The following AK5 variants were observed in gnomAD, a reference collection of about 807,000 sequenced individuals.
AK5 encodes adenylate kinase isoenzyme 5.
In AK5, 27 loss-of-function variants were observed where a neutral mutation model predicts 69.5. That is an observed-to-expected ratio of 0.39 (90% CI 0.29 to 0.54). The LOEUF is 0.54. Ranked by LOEUF, AK5 falls within the 20% of genes least tolerant of loss-of-function variation. The probability of loss-of-function intolerance (pLI) is 0.71; values close to 1 mark genes in which losing one functional copy is unlikely to be tolerated. For synonymous variants in AK5, 260 were observed against 244.4 expected (o/e 1.06, Z -0.60); for missense variants, 531 against 700.4 (o/e 0.76, Z 2.73).
intron 6 of AK5, among the ~76,000 whole-genome samples, chr1:77,392,188 ATATAC>A (rs756684812): frequency 6.6e-4 from 101 of 152,362 alleles, no homozygotes; most frequent in Non-Finnish European, 1.2e-3. Flanking sequence ...GTAGTTTAAA[ATATAC>A]TATGAGTATT....
At chr1:77,431,189 G>C (rs1651615820) in intron 8 of AK5, among the ~76,000 whole-genome samples, 1 of 152,186 alleles carries the variant, frequency 6.6e-6, no homozygotes, top group Admixed American at 6.5e-5. Context: ...CTGAACTGTT[G>C]TGAAATCTAG....
At chr1:77,356,438 A>G (rs1212836884) in intron 6 of AK5, among the ~76,000 whole-genome samples, 2 of 152,222 alleles carry the variant, frequency 1.3e-5, no homozygotes, top group Admixed American at 1.3e-4. Context: ...TTGTCTATCA[A>G]AGGACAAAAA....
chr1:77,526,988 C>A lies in AK5; in HGVS notation c.1428+5045C>A, dbSNP rs145029940. On this transcript the variant is annotated intron_variant, in intron 12 of 13. Transcript: ENST00000354567. ...CCAGAACTTAACGCCTATGGGGTTC[C>A]ACATCATTTTGAGCAATGACAACCC... Among the ~76,000 whole-genome samples the A allele has an allele frequency of 5.0e-3, 761 of 152,072 alleles. 8 individuals are homozygous for A. Among genetic ancestry groups the A allele is most frequent in the African/African-American group, 0.017 (688 of 41,464 alleles).
At chr1:77,405,659 G>A (rs1488331540) in intron 6 of AK5, among the ~76,000 whole-genome samples, 1 of 152,188 alleles carries the variant, frequency 6.6e-6, no homozygotes, top group African/African-American at 2.4e-5. Context: ...TGGCTGCTCA[G>A]AGAGGCTGGG....
At chr1:77,376,161 T>C (rs1400496187) in intron 6 of AK5, among the ~76,000 whole-genome samples, 6 of 152,188 alleles carry the variant, frequency 3.9e-5, no homozygotes, top group African/African-American at 1.4e-4. Flanking sequence ...TCCAAGAGGA[T>C]ACCACTGGTT....
chr1:77,287,266 C>G (rs888639149), intron 2 of AK5, 139 bp downstream of exon 2: 1 of 537,524 alleles, frequency 1.9e-6, no homozygotes, highest in Middle Eastern at 5.4e-4. Context: ...TAATTTTTCT[C>G]TGCTACTAAT....
At chr1:77,399,531 G>T (rs1420234190) in intron 6 of AK5, among the ~76,000 whole-genome samples, 1 of 152,198 alleles carries the variant, frequency 6.6e-6, no homozygotes, top group Non-Finnish European at 1.5e-5. Context: ...CAAAGCCCTG[G>T]TTGGGCTGTG....
At chr1:77,405,828 C>T (rs1173705546) in intron 6 of AK5, among the ~76,000 whole-genome samples, 2 of 152,112 alleles carry the variant, frequency 1.3e-5, no homozygotes, top group African/African-American at 2.4e-5. Context: ...TTCTGGAGAC[C>T]ATGTTGCCGG....
Position 77,454,062 on chromosome 1 carries a change from A to T in AK5, c.1060-29255A>T, listed in dbSNP as rs1653325221. ...TTCAGCTCTGTAGGGTCAACATGAG[A>T]TGCTTATTGTTCAAGCCTGTGTGAT... is the stretch of plus-strand genomic sequence containing the variant. On this transcript the variant is annotated intron_variant, in intron 8 of 13. Transcript: ENST00000354567. 2.0e-5 allele frequency among the ~76,000 whole-genome samples: 3 copies of T among 152,096 alleles called. No homozygotes were observed. The South Asian group carries it at 6.2e-4, about 31-fold the overall frequency.
In AK5 at chr1:77,376,712, G is replaced by A. The variant is rs774741189; in HGVS notation, c.892-34269G>A. On this transcript the variant is annotated intron_variant, in intron 6 of 13. Transcript: ENST00000354567. Reference sequence around the variant, plus strand: ...TCCCAACACTTTGGGAAGACGAGGTGAGAGGATCACTTGAGTTGAGGAGTT... The same window carrying A: ...TCCCAACACTTTGGGAAGACGAGGTAAGAGGATCACTTGAGTTGAGGAGTT... Among the ~76,000 whole-genome samples, 31 of 152,130 alleles carry A rather than the reference G, an allele frequency of 2.0e-4. 1 individual carries two copies. Among genetic ancestry groups the A allele is most frequent in the Admixed American group, 6.5e-5 (1 of 15,268 alleles).
chr1:77,403,246 T>A (rs1649364760), intron 6 of AK5, among the ~76,000 whole-genome samples: 1 of 152,228 alleles, frequency 6.6e-6, no homozygotes, highest in African/African-American at 2.4e-5. Flanking sequence ...TTCTGTAGGT[T>A]GCCTGTTCAC....
At chr1:77,367,796 T>A (rs759008019) in intron 6 of AK5, among the ~76,000 whole-genome samples, 1 of 3,652 alleles carries the variant, frequency 2.7e-4, no homozygotes, top group African/African-American at 6.4e-4. Flanking sequence ...GTTATATATG[T>A]TATATATAAT....
chr1:77,487,169 C>T (rs1655658465), intron 10 of AK5, among the ~76,000 whole-genome samples: 2 of 152,188 alleles, frequency 1.3e-5, no homozygotes, highest in South Asian at 4.1e-4. Context: ...TGAGCACCCA[C>T]TATGCTCCAG....
At chr1:77,357,569 A>T (rs1238825335) in intron 6 of AK5, among the ~76,000 whole-genome samples, 1 of 152,170 alleles carries the variant, frequency 6.6e-6, no homozygotes, top group South Asian at 2.1e-4. Flanking sequence ...ACATCATGCA[A>T]ATATGTTTTA....
intron 8 of AK5, among the ~76,000 whole-genome samples, chr1:77,446,825 A>C (rs1652783519): frequency 6.6e-6 from 1 of 152,252 alleles, no homozygotes; most frequent in Admixed American, 6.5e-5. Context: ...TTCCCAAGGC[A>C]GTATATTTCA....
At chr1:77,432,940 G>A (rs1651736257) in intron 8 of AK5, among the ~76,000 whole-genome samples, 1 of 152,196 alleles carries the variant, frequency 6.6e-6, no homozygotes, top group Admixed American at 6.5e-5. Flanking sequence ...CCTATAGCAT[G>A]AAGCCATCAA....
chr1:77,492,494 G>T (rs1017454634), intron 10 of AK5, among the ~76,000 whole-genome samples: 5 of 152,170 alleles, frequency 3.3e-5, no homozygotes, highest in Admixed American at 2.6e-4. Context: ...ACCACCATGG[G>T]GTTACTTGGG....
intron 8 of AK5, among the ~76,000 whole-genome samples, chr1:77,455,254 T>C (rs1357120933): frequency 2.0e-5 from 3 of 152,168 alleles, no homozygotes; most frequent in Non-Finnish European, 4.4e-5. Context: ...AATTCACCTG[T>C]TGAAACCTAA....
chr1:77,505,897 AAAAT>A (rs1656997369), intron 10 of AK5, among the ~76,000 whole-genome samples: 2 of 152,126 alleles, frequency 1.3e-5, no homozygotes, highest in Non-Finnish European at 2.9e-5. Flanking sequence ...CTCAAAAAAT[AAAAT>A]AAATAAATAG....
Sources: allele counts gnomAD v4.1 joint callset (sites outside exome capture counted in the v4.1 genomes callset), GRCh38; gene constraint gnomAD v4.1.1; transcripts MANE v1.5; gene names NCBI Gene and HGNC (gene_info 2026-07-23, HGNC 2026-07-21).